IL10RB: variants seen among roughly 807,000 people sequenced by gnomAD.
IL10RB encodes the protein interleukin-10 receptor subunit beta.
In IL10RB, 30 loss-of-function variants were observed where a neutral mutation model predicts 38.7. The ratio of observed to expected loss-of-function variants is 0.78; its 90% CI spans 0.58 to 1.05. The LOEUF (loss-of-function observed/expected upper bound fraction) is 1.05, where lower values mean the gene tolerates loss of function less well. IL10RB is among the 50% of genes least tolerant of loss of function. The probability of loss-of-function intolerance (pLI) is 0.00; values close to 1 mark genes in which losing one functional copy is unlikely to be tolerated. For synonymous variants in IL10RB, 142 were observed against 145.9 expected (o/e 0.97, Z 0.19); for missense variants, 328 against 397.1 (o/e 0.83, Z 1.48).
rs1989246456 is a variant in IL10RB at position 33,279,793 on chromosome 21, G to GA, written c.374dup (p.Asp125GlufsTer11). 6.2e-7 allele frequency: 1 copy of GA among 1,613,696 alleles called. No homozygotes were observed. On this transcript the variant is annotated frameshift_variant, in exon 4 of 7. Transcript: ENST00000290200. LOFTEE classifies it high-confidence loss of function. ...TGGAATGCAAGTAGAAGTACTTGCT[G>GA]ATTCTTTACATATGCGTTTCTTAGC...
chr21:33,290,834 C>T (rs767808055), intron 6 of IL10RB, among the ~76,000 whole-genome samples: 5 of 152,202 alleles, frequency 3.3e-5, no homozygotes, highest in African/African-American at 4.8e-5. Context: ...CCATGTGATA[C>T]GGCGTCTCTA....
At chr21:33,283,446 G>A (rs569075633) in intron 5 of IL10RB, among the ~76,000 whole-genome samples, 18 of 152,294 alleles carry the variant, frequency 1.2e-4, no homozygotes, top group Admixed American at 1.1e-3. Flanking sequence ...TAGATCAAAG[G>A]AGTTGCTAGA....
chr21:33,302,643 A>G (rs191922444), intron 1 of IL10RB, among the ~76,000 whole-genome samples: 227 of 152,320 alleles, frequency 1.5e-3, no homozygotes, highest in Non-Finnish European at 2.4e-3. Context: ...AGGAGTGAAC[A>G]GGAGGGTGTG....
rs8178541 is a variant in IL10RB, at chr21:33,291,307, C to G, written c.804+3046C>G. 9.7e-3 allele frequency among the ~76,000 whole-genome samples: 1,481 copies of G among 152,136 alleles called. 16 individuals carry two copies. Among genetic ancestry groups the G allele is most frequent in the African/African-American group, 0.029 (1,215 of 41,484 alleles). ...TGGAGACGGAGTCTCACTCTGTCAC[C>G]CAGGCTGGAGTGGAGTGGCATGATT... On this transcript the variant is annotated intron_variant, in intron 6 of 6. Transcript: ENST00000290200.
chr21:33,289,010 A>G (rs1229854075), intron 6 of IL10RB, among the ~76,000 whole-genome samples: 1 of 152,262 alleles, frequency 6.6e-6, no homozygotes, highest in Non-Finnish European at 1.5e-5. Flanking sequence ...CAGATGTGGC[A>G]GAGAGAGGTT....
chr21:33,291,935 G>A (rs906791709), intron 6 of IL10RB, among the ~76,000 whole-genome samples: 3 of 152,196 alleles, frequency 2.0e-5, no homozygotes, highest in Admixed American at 6.5e-5. Context: ...CTGCCACCAC[G>A]GCTGCTGTGT....
chr21:33,288,268 A>G lies in IL10RB; in HGVS notation c.804+7A>G. ...TCCACAGCACCTGAAAGAGGTAGGTAGGATGGAGTGAGATGTGGATTTGAA... is the reference window on the plus strand; with the variant it reads ...TCCACAGCACCTGAAAGAGGTAGGTGGGATGGAGTGAGATGTGGATTTGAA... On this transcript the variant is annotated splice_region_variant and intron_variant, in intron 6 of 6. Coordinates refer to ENST00000290200, the MANE Select transcript of IL10RB (RefSeq NM_000628.5). 1.2e-6 allele frequency: 2 copies of G among 1,612,912 alleles called. No homozygotes were observed. The highest frequency in any genetic ancestry group is 1.1e-5 in the South Asian group (1 of 91,068).
rs866908232 is a variant in IL10RB, at chr21:33,268,134, C to T, written c.50-260C>T. On this transcript the variant is annotated intron_variant, in intron 1 of 6. Coordinates refer to ENST00000290200, the MANE Select transcript of IL10RB (RefSeq NM_000628.5). Reference sequence around the variant, plus strand: ...AATCCATGTGCCCACCCTACCCCCTCATAGCTTTCTGCCACCAGACAAATC... The same window carrying T: ...AATCCATGTGCCCACCCTACCCCCTTATAGCTTTCTGCCACCAGACAAATC... The T allele has an allele frequency of 5.3e-5, 58 of 1,102,036 alleles. No individual in the cohort carries two copies. The African/African-American group carries it at 6.6e-4, about 13-fold the overall frequency. 68.3% of individuals were successfully genotyped at this position (1,102,036 alleles called of 1,614,324 possible). A position where few individuals can be genotyped will look rare whatever the true frequency, so the allele number is the denominator to read the frequency against.
At chr21:33,299,947 G>T (rs1420835385), downstream of IL10RB, among the ~76,000 whole-genome samples, 3 of 152,148 alleles carry the variant, frequency 2.0e-5, no homozygotes, top group Non-Finnish European at 2.9e-5. Flanking sequence ...TCCACAGGAA[G>T]ATTTCTTTCC....
At chr21:33,277,865 G>T (rs1372137790) in intron 3 of IL10RB, among the ~76,000 whole-genome samples, 1 of 149,816 alleles carries the variant, frequency 6.7e-6, no homozygotes. Context: ...TAGAGACGGG[G>T]TCTCACCATG....
intron 2 of IL10RB, among the ~76,000 whole-genome samples, chr21:33,276,294 C>T (rs534966961): frequency 2.6e-5 from 4 of 152,232 alleles, no homozygotes; most frequent in African/African-American, 9.6e-5. Context: ...ATTGTAATAT[C>T]TTTATTTTGG....
intron 6 of IL10RB, among the ~76,000 whole-genome samples, chr21:33,289,651 C>G (rs1989446401): frequency 1.3e-5 from 2 of 152,176 alleles, no homozygotes; most frequent in African/African-American, 4.8e-5. Flanking sequence ...TGGCGGGTAC[C>G]CACTGTGATA....
rs936692910 is a variant in IL10RB at position 33,266,504 on chromosome 21, G to A, written c.39G>A (p.Leu13=). 1 of 1,543,064 alleles carries A rather than the reference G, an allele frequency of 6.5e-7. No homozygotes were observed. The change falls in exon 1 of 7, where the codon CTG becomes CTA. Residue 13 remains leucine, a synonymous_variant. Transcript: ENST00000290200. The part of the protein sequence containing the change: ...WSLGSWLGGC[L]LVSALGMVPP... ...TTGGGAGCTGGCTGGGTGGCTGCCT[G>A]CTGGTGTCAGGTGAGGGGTCCGCGG...
chr21:33,269,189 G>A (rs1473992461), intron 2 of IL10RB, among the ~76,000 whole-genome samples: 2 of 152,252 alleles, frequency 1.3e-5, no homozygotes, highest in African/African-American at 4.8e-5. Context: ...GGTCATCTCA[G>A]TGGTGATCTG....
At chr21:33,267,026 C>T (rs922691789) in intron 1 of IL10RB, among the ~76,000 whole-genome samples, 1 of 152,124 alleles carries the variant, frequency 6.6e-6, no homozygotes, top group African/African-American at 2.4e-5. Flanking sequence ...GGTTCAGGCC[C>T]GAGCACCCTG....
downstream of IL10RB, among the ~76,000 whole-genome samples, chr21:33,298,623 A>ATT (rs2082977020): frequency 6.6e-6 from 1 of 152,118 alleles, no homozygotes; most frequent in Admixed American, 6.5e-5. Context: ...CTAAATAAAT[A>ATT]AATAAATAAT....
chr21:33,301,484 G>T (rs2082985876), downstream of IL10RB, among the ~76,000 whole-genome samples: 1 of 152,212 alleles, frequency 6.6e-6, no homozygotes. Context: ...TGAGCAGGAG[G>T]AGTCATGGCA....
rs1190644864 is a variant in IL10RB at position 33,297,029 on chromosome 21, G to C, written c.*672G>C. 1 of 171,920 alleles carries C rather than the reference G, an allele frequency of 5.8e-6. No homozygotes were observed. Among genetic ancestry groups the C allele is most frequent in the Non-Finnish European group, 1.3e-5 (1 of 79,796 alleles). The allele number at this position is 171,920 out of a possible 1,614,324, so 10.6% of individuals were successfully genotyped here. A position where few individuals can be genotyped will look rare whatever the true frequency, so the allele number is the denominator to read the frequency against. ...AATAAGAATGGAGATGTTACATCTGGTAGATGTAACATTCTACCAGATTAT... is the reference window on the plus strand; with the variant it reads ...AATAAGAATGGAGATGTTACATCTGCTAGATGTAACATTCTACCAGATTAT... On this transcript the variant is annotated 3_prime_UTR_variant, in exon 7 of 7. Coordinates refer to ENST00000290200, the MANE Select transcript of IL10RB (RefSeq NM_000628.5).
chr21:33,306,539 T>G (rs1380076572), intron 1 of IL10RB, among the ~76,000 whole-genome samples: 1 of 152,160 alleles, frequency 6.6e-6, no homozygotes. Context: ...CTGAGCAGAA[T>G]GTGAATTTAC....
Sources: gnomAD v4.1 joint callset for allele counts (sites outside exome capture counted in the v4.1 genomes callset) on GRCh38, gnomAD v4.1.1 for gene constraint, MANE v1.5 for transcripts, NCBI Gene and HGNC (gene_info 2026-07-23, HGNC 2026-07-21) for gene names.